The following PLEKHA7 variants were observed in gnomAD, a reference collection of about 807,000 sequenced individuals.
PLEKHA7 encodes the protein pleckstrin homology domain containing A7.
A neutral mutation model predicts 170.0 loss-of-function variants in PLEKHA7; 104 were observed. The ratio of observed to expected loss-of-function variants is 0.61; its 90% confidence interval spans 0.52 to 0.72. PLEKHA7 has a LOEUF of 0.72. Among genes scored for constraint, PLEKHA7 ranks in the 30% least tolerant of loss-of-function variants. PLEKHA7 has a pLI of 0.00. For synonymous variants in PLEKHA7, 648 were observed against 660.8 expected (o/e 0.98, Z 0.30); for missense variants, 1,615 against 1,671.7 (o/e 0.97, Z 0.59).
chr11:16,888,068 C>T (rs1326356426), intron 3 of PLEKHA7, among the ~76,000 whole-genome samples: 1 of 150,176 alleles, frequency 6.7e-6, no homozygotes, highest in African/African-American at 2.5e-5. Flanking sequence ...AGGTGAGGAG[C>T]GTCTCTGCCC....
In PLEKHA7 at chr11:16,882,440, T is replaced by C. The variant is rs576564511; in HGVS notation, c.222-11258A>G. Among the ~76,000 whole-genome samples the C allele has an allele frequency of 2.0e-5, 3 of 152,346 alleles. No individual in the cohort carries two copies. The South Asian group carries it at 6.2e-4, about 32-fold the overall frequency. On this transcript the variant is annotated intron_variant, in intron 3 of 26. Transcript: ENST00000531066. ...TGTTTACATGCTTTCTGCAATTTTA[T>C]GTATTTTTAAAGAAAGCTCCCCAAA...
chr11:16,966,374 A>G (rs1862377775), intron 3 of PLEKHA7, among the ~76,000 whole-genome samples: 2 of 152,038 alleles, frequency 1.3e-5, no homozygotes, highest in African/African-American at 4.8e-5. Flanking sequence ...TCTCACAAAC[A>G]TCTACCAGGC....
At chr11:16,963,302 G>GATTCAGC (rs1862179362) in intron 3 of PLEKHA7, among the ~76,000 whole-genome samples, 1 of 152,118 alleles carries the variant, frequency 6.6e-6, no homozygotes, top group African/African-American at 2.4e-5. Flanking sequence ...GTAGCTGCAG[G>GATTCAGC]CTCCTTGTAC....
intron 10 of PLEKHA7, among the ~76,000 whole-genome samples, chr11:16,819,991 T>A (rs1385413378): frequency 1.3e-5 from 2 of 152,254 alleles, no homozygotes; most frequent in African/African-American, 4.8e-5. Context: ...TGAATGTCAA[T>A]TGGTTTGATG....
chr11:16,918,357 T>A (rs1050018970), intron 3 of PLEKHA7, among the ~76,000 whole-genome samples: 1 of 151,880 alleles, frequency 6.6e-6, no homozygotes, highest in African/African-American at 2.4e-5. Flanking sequence ...CCAACAGGAG[T>A]CAGACCTAGG....
At chr11:16,841,437 A>G (rs1851948100) in intron 9 of PLEKHA7, 110 bp downstream of exon 9, 3 of 1,211,346 alleles carry the variant, frequency 2.5e-6, no homozygotes, top group Admixed American at 4.7e-5. Context: ...AAGAGAGGGC[A>G]ATGCTTAATA....
intron 13 of PLEKHA7, among the ~76,000 whole-genome samples, chr11:16,805,507 T>A (rs969622385): frequency 6.6e-6 from 1 of 152,072 alleles, no homozygotes; most frequent in Non-Finnish European, 1.5e-5. Flanking sequence ...GTGCTGCTTA[T>A]CTTGCCAGGC....
intron 3 of PLEKHA7, among the ~76,000 whole-genome samples, chr11:16,927,019 GA>G (rs1339356043): frequency 1.4e-5 from 2 of 143,836 alleles, no homozygotes; most frequent in East Asian, 3.9e-4. Flanking sequence ...TCTAAAATAA[GA>G]GGTTGGGTCA....
intron 5 of PLEKHA7, 81 bp from the exon 6 acceptor site, chr11:16,855,074 G>A (rs759694612): frequency 1.5e-5 from 17 of 1,144,902 alleles, no homozygotes; most frequent in East Asian, 2.4e-5. Flanking sequence ...GAGGACCGTC[G>A]GCTCTCTCTG....
At chr11:16,832,133 C>T (rs1447483379) in intron 9 of PLEKHA7, among the ~76,000 whole-genome samples, 1 of 152,192 alleles carries the variant, frequency 6.6e-6, no homozygotes, top group Non-Finnish European at 1.5e-5. Flanking sequence ...AAGTCATATG[C>T]TAAAAAGCTG....
chr11:16,789,156 C>T lies in PLEKHA7; in HGVS notation c.3297G>A (p.Glu1099=). The T allele has an allele frequency of 6.2e-7, 1 of 1,611,700 alleles. No homozygotes were observed. The highest frequency in any genetic ancestry group is 1.1e-5 in the South Asian group (1 of 91,086). ...RERKRTLGQG[E]RTGLPSSRYL... ...AGCGAGATGAGGGCAGGCCCGTCCT[C>T]TCCCCTTGGCCCAGTGTCCTCTTGC... The change falls in exon 23 of 27, where the codon GAG becomes GAA. Residue 1099 remains glutamate, a synonymous_variant. Coordinates refer to ENST00000531066, the MANE Select transcript of PLEKHA7 (RefSeq NM_001329630.2). The surrounding 1 kb of genome is among the most constrained non-coding windows in gnomAD (Gnocchi z 4.6).
chr11:16,831,785 G>A (rs1414946032), intron 9 of PLEKHA7, among the ~76,000 whole-genome samples: 1 of 152,190 alleles, frequency 6.6e-6, no homozygotes, highest in African/African-American at 2.4e-5. Flanking sequence ...GGGTTGTTGT[G>A]AGGATTAATG....
chr11:16,808,109 G>A (rs1023899586), intron 13 of PLEKHA7, among the ~76,000 whole-genome samples: 2 of 152,122 alleles, frequency 1.3e-5, no homozygotes, highest in Admixed American at 6.6e-5. Flanking sequence ...TGACACTTTC[G>A]GTCTGAGGAT....
chr11:16,909,934 A>G (rs1047347332), intron 3 of PLEKHA7, among the ~76,000 whole-genome samples: 1 of 152,220 alleles, frequency 6.6e-6, no homozygotes, highest in Non-Finnish European at 1.5e-5. Flanking sequence ...TAATAACCTA[A>G]TGGCCAATCT....
intron 3 of PLEKHA7, among the ~76,000 whole-genome samples, chr11:16,920,310 A>C (rs2136233198): frequency 6.6e-6 from 1 of 152,346 alleles, no homozygotes; most frequent in East Asian, 1.9e-4. Context: ...GCTTCACCTG[A>C]ATTTGTAGAG....
At chr11:16,964,557 T>C (rs536815774) in intron 3 of PLEKHA7, among the ~76,000 whole-genome samples, 63 of 152,230 alleles carry the variant, frequency 4.1e-4, no homozygotes, top group African/African-American at 1.4e-3. Flanking sequence ...CTGAGGGGCC[T>C]TGGGGTAACA....
At chr11:16,889,650 T>C (rs1269448732) in intron 3 of PLEKHA7, among the ~76,000 whole-genome samples, 1 of 151,924 alleles carries the variant, frequency 6.6e-6, no homozygotes, top group East Asian at 1.9e-4. Context: ...CTGAGAAAAT[T>C]GGCTTTATGT....
At chr11:16,803,548 C>G (rs2134427166) in intron 13 of PLEKHA7, 2 of 483,412 alleles carry the variant, frequency 4.1e-6, no homozygotes, top group Middle Eastern at 5.5e-4. Flanking sequence ...TGTAGATGTT[C>G]AAGTTAAAGG....
chr11:16,786,199 G>A (rs1178013943), intron 24 of PLEKHA7, 30 bp downstream of exon 24: 1 of 1,534,598 alleles, frequency 6.5e-7, no homozygotes, highest in East Asian at 2.4e-5. Flanking sequence ...CATGTCTCCT[G>A]GAGGACATGA....
Sources: gnomAD v4.1 joint callset for allele counts (sites outside exome capture counted in the v4.1 genomes callset) on GRCh38, gnomAD v4.1.1 for gene constraint, Gnocchi (gnomAD v3.1) non-coding constraint, MANE v1.5 for transcripts, NCBI Gene and HGNC (gene_info 2026-07-23, HGNC 2026-07-21) for gene names.